LRMDA: variants seen among roughly 807,000 people sequenced by gnomAD.
LRMDA encodes the protein leucine rich melanocyte differentiation associated.
Under a neutral mutation model 29.8 loss-of-function variants are expected in LRMDA, and 18 were observed. The observed-to-expected ratio is 0.60, with a 90% CI of 0.42 to 0.90. The LOEUF (loss-of-function observed/expected upper bound fraction) is 0.90. Among genes scored for constraint, LRMDA ranks in the 40% least tolerant of loss-of-function variants. LRMDA has a pLI of 0.00. For missense variants in LRMDA, 273 were observed against 273.9 expected (o/e 1.00, Z 0.02); for synonymous variants, 125 against 109.4 (o/e 1.14, Z -0.89).
chr10:76,462,934 A>T (rs1443590234), intron 6 of LRMDA, among the ~76,000 whole-genome samples: 1 of 152,162 alleles, frequency 6.6e-6, no homozygotes, highest in Non-Finnish European at 1.5e-5. Flanking sequence ...CAAGTGCCTC[A>T]TTCCTTCTAC....
At chr10:75,475,428 C>G (rs1564780769) in intron 2 of LRMDA, among the ~76,000 whole-genome samples, 1 of 152,126 alleles carries the variant, frequency 6.6e-6, no homozygotes, top group African/African-American at 2.4e-5. Context: ...CTCCTCCCTG[C>G]TCCAATTTTC....
chr10:76,404,083 A>G (rs946914941), intron 6 of LRMDA, among the ~76,000 whole-genome samples: 5 of 152,138 alleles, frequency 3.3e-5, no homozygotes, highest in South Asian at 2.1e-4. Flanking sequence ...AATGTCTTGC[A>G]TATACTAGCA....
intron 2 of LRMDA, among the ~76,000 whole-genome samples, chr10:75,659,749 T>C (rs527511413): frequency 6.6e-6 from 1 of 152,336 alleles, no homozygotes; most frequent in South Asian, 2.1e-4. Context: ...TAACACTGTA[T>C]TGTACACTTG....
intron 2 of LRMDA, among the ~76,000 whole-genome samples, chr10:75,799,141 C>T (rs1843703786): frequency 6.6e-6 from 1 of 152,134 alleles, no homozygotes; most frequent in South Asian, 2.1e-4. Flanking sequence ...CATGTTTATT[C>T]TTTATCCACA....
chr10:76,288,923 TTA>T (rs1840305585), intron 5 of LRMDA, among the ~76,000 whole-genome samples: 1 of 152,288 alleles, frequency 6.6e-6, no homozygotes, highest in East Asian at 1.9e-4. Context: ...ATGATAAAGA[TTA>T]TGTTACAAGA....
At chr10:75,598,184 T>C (rs1328920091) in intron 2 of LRMDA, among the ~76,000 whole-genome samples, 2 of 152,326 alleles carry the variant, frequency 1.3e-5, no homozygotes, top group African/African-American at 2.4e-5. Flanking sequence ...GAATTGTGCA[T>C]GTTTAGCAGC....
intron 5 of LRMDA, among the ~76,000 whole-genome samples, chr10:76,193,992 A>G (rs1851290641): frequency 6.6e-6 from 1 of 152,200 alleles, no homozygotes. Flanking sequence ...AAATAATGGC[A>G]TTTATTCAGG....
At chr10:76,381,021 CTTTTTT>C (rs538112084) in intron 6 of LRMDA, among the ~76,000 whole-genome samples, 1 of 96,916 alleles carries the variant, frequency 1.0e-5, no homozygotes, top group Admixed American at 1.2e-4. Context: ...TTTATCTTTG[CTTTTTT>C]TTTTTTTTTT....
At chr10:76,032,714 G>T (rs1202628223) in intron 2 of LRMDA, among the ~76,000 whole-genome samples, 2 of 152,060 alleles carry the variant, frequency 1.3e-5, no homozygotes, top group African/African-American at 4.8e-5. Flanking sequence ...TTCCAGGGGT[G>T]CTGATTAGGT....
At chr10:76,111,976 T>TATGG (rs1254940582) in intron 5 of LRMDA, among the ~76,000 whole-genome samples, 1 of 152,222 alleles carries the variant, frequency 6.6e-6, no homozygotes, top group Non-Finnish European at 1.5e-5. Flanking sequence ...TCAAACCCAG[T>TATGG]ATGGCTACAT....
rs1408613602 is a variant in LRMDA at position 75,869,783 on chromosome 10, G to C, written c.132-166225G>C. Among the ~76,000 whole-genome samples, 3 of 152,070 alleles carry C rather than the reference G, an allele frequency of 2.0e-5. No individual in the cohort carries two copies. The East Asian group carries it at 5.8e-4, about 29-fold the overall frequency. ...CCTTCCATCTCAGGGGAAGCCATCT[G>C]CCTCTTCTTGATCCAGGCTCGCTTT... is the stretch of plus-strand genomic sequence containing the variant. On this transcript the variant is annotated intron_variant, in intron 2 of 6. Transcript: ENST00000611255.
At chr10:75,637,905 G>A (rs1841407804) in intron 2 of LRMDA, among the ~76,000 whole-genome samples, 3 of 152,228 alleles carry the variant, frequency 2.0e-5, no homozygotes, top group Admixed American at 1.3e-4. Flanking sequence ...TGTGCAGAGA[G>A]CACCTGAATC....
At chr10:75,441,397 C>T (rs1008781998) in intron 2 of LRMDA, among the ~76,000 whole-genome samples, 2 of 152,312 alleles carry the variant, frequency 1.3e-5, no homozygotes, top group Non-Finnish European at 2.9e-5. Context: ...ACTCTGGACA[C>T]ACCCTTCATT....
chr10:76,007,782 C>T (rs1393831520), intron 2 of LRMDA, among the ~76,000 whole-genome samples: 2 of 152,078 alleles, frequency 1.3e-5, no homozygotes, highest in African/African-American at 4.8e-5. Context: ...GATTTATCGT[C>T]AGAATCAGAG....
At chr10:75,505,658 A>G (rs1335034556) in intron 2 of LRMDA, among the ~76,000 whole-genome samples, 1 of 152,032 alleles carries the variant, frequency 6.6e-6, no homozygotes, top group African/African-American at 2.4e-5. Flanking sequence ...GACCCCCCAT[A>G]TTCTTCCTGC....
chr10:75,828,257 C>CT (rs1344053133), intron 2 of LRMDA, among the ~76,000 whole-genome samples: 10 of 152,136 alleles, frequency 6.6e-5, no homozygotes, highest in Admixed American at 6.5e-4. Flanking sequence ...TAAGAAATAT[C>CT]TTTTTGCTGC....
At chr10:76,047,328 G>A (rs775852429) in intron 4 of LRMDA, 25 bp downstream of exon 4, 1 of 1,580,946 alleles carries the variant, frequency 6.3e-7, no homozygotes, top group East Asian at 2.3e-5. Context: ...GTTGGACCAT[G>A]GTGGGAAAAG....
In LRMDA at chr10:75,496,190, T is replaced by G. The variant is rs184694504; in HGVS notation, c.131+57696T>G. Among the ~76,000 whole-genome samples the G allele has an allele frequency of 1.9e-4, 29 of 152,338 alleles. No individual in the cohort carries two copies. In the East Asian group the frequency reaches 3.9e-3, roughly 20 times the overall value. On this transcript the variant is annotated intron_variant, in intron 2 of 6. Coordinates refer to ENST00000611255, the MANE Select transcript of LRMDA (RefSeq NM_001305581.2). The stretch of plus-strand genomic sequence containing the variant: ...AGAGATCTAGGAACTATGATTGTGG[T>G]ACATGAAATTTTTGCTTAAAGAGGC...
intron 2 of LRMDA, among the ~76,000 whole-genome samples, chr10:75,738,812 C>T (rs765146037): frequency 5.9e-5 from 9 of 152,102 alleles, no homozygotes; most frequent in Non-Finnish European, 2.9e-5. Flanking sequence ...GAGGTGCTCA[C>T]GTTGTGGTTT....
Sources: allele counts gnomAD v4.1 joint callset (sites outside exome capture counted in the v4.1 genomes callset), GRCh38; gene constraint gnomAD v4.1.1; transcripts MANE v1.5; gene names NCBI Gene and HGNC (gene_info 2026-07-23, HGNC 2026-07-21).